CADPS2: variants seen among roughly 807,000 people sequenced by gnomAD.
CADPS2 encodes the protein calcium-dependent secretion activator 2.
CADPS2 carries 93 observed loss-of-function variants against 172.5 expected under a neutral mutation model. That is an observed-to-expected ratio of 0.54 (90% CI 0.46 to 0.64). The LOEUF is 0.64. CADPS2 is among the 30% of genes least tolerant of loss of function. CADPS2 has a pLI of 0.00. For synonymous variants in CADPS2, 546 were observed against 555.2 expected (o/e 0.98, Z 0.23); for missense variants, 1,420 against 1,565.9 (o/e 0.91, Z 1.57).
At chr7:122,711,453 C>T (rs972696255) in intron 2 of CADPS2, among the ~76,000 whole-genome samples, 3 of 151,966 alleles carry the variant, frequency 2.0e-5, no homozygotes, top group Non-Finnish European at 4.4e-5. Context: ...CATGGTACCT[C>T]AGAGAAAACT....
intron 1 of CADPS2, among the ~76,000 whole-genome samples, chr7:122,834,682 T>C (rs188790536): frequency 6.6e-6 from 1 of 152,300 alleles, no homozygotes; most frequent in East Asian, 1.9e-4. Flanking sequence ...GGAGCCTTGC[T>C]CACTGCTAGC....
intron 6 of CADPS2, among the ~76,000 whole-genome samples, chr7:122,608,686 A>T (rs2073911052): frequency 6.6e-6 from 1 of 152,156 alleles, no homozygotes; most frequent in Non-Finnish European, 1.5e-5. Flanking sequence ...TGGGCAGTAG[A>T]GACCCATTAA....
At chr7:122,542,425 T>C (rs2063198809) in intron 8 of CADPS2, among the ~76,000 whole-genome samples, 5 of 152,154 alleles carry the variant, frequency 3.3e-5, no homozygotes, top group Admixed American at 3.3e-4. Context: ...AACACATGGT[T>C]TTCTATAACT....
chr7:122,468,231 A>C (rs2055419312), intron 14 of CADPS2, among the ~76,000 whole-genome samples: 1 of 152,186 alleles, frequency 6.6e-6, no homozygotes, highest in East Asian at 1.9e-4. Context: ...GAGCAAAACG[A>C]CTCTTTGAAT....
At chr7:122,734,015 G>A in intron 2 of CADPS2, among the ~76,000 whole-genome samples, 1 of 151,878 alleles carries the variant, frequency 6.6e-6, no homozygotes, top group South Asian at 2.1e-4. Flanking sequence ...ACAAAGCACA[G>A]GTTCAAAATT....
intron 2 of CADPS2, among the ~76,000 whole-genome samples, chr7:122,722,002 TA>T (rs1461275781): frequency 6.6e-6 from 1 of 152,146 alleles, no homozygotes; most frequent in Non-Finnish European, 1.5e-5. Context: ...CCCTTCATGC[TA>T]AAAACTCTCA....
intron 7 of CADPS2, among the ~76,000 whole-genome samples, chr7:122,569,263 A>C (rs1424617415): frequency 6.6e-6 from 1 of 152,156 alleles, no homozygotes; most frequent in East Asian, 1.9e-4. Flanking sequence ...CCAAATCATG[A>C]GTGAACTCCC....
intron 7 of CADPS2, among the ~76,000 whole-genome samples, chr7:122,567,866 C>G (rs2066668482): frequency 6.6e-6 from 1 of 151,704 alleles, no homozygotes; most frequent in African/African-American, 2.4e-5. Flanking sequence ...CTAAAAAAAG[C>G]AGAAGAGGAG....
At chr7:122,653,296 C>G (rs10243551) in intron 3 of CADPS2, among the ~76,000 whole-genome samples, 1 of 152,292 alleles carries the variant, frequency 6.6e-6, no homozygotes, top group South Asian at 2.1e-4. Context: ...GACACTGTTA[C>G]AGTTAGGAGA....
chr7:122,581,705 T>G (rs1189914766), intron 6 of CADPS2, among the ~76,000 whole-genome samples: 1 of 152,138 alleles, frequency 6.6e-6, no homozygotes, highest in Admixed American at 6.6e-5. Context: ...ACTAAAGACT[T>G]TACCCCACCT....
intron 28 of CADPS2, among the ~76,000 whole-genome samples, chr7:122,333,702 C>G (rs1369957544): frequency 6.6e-6 from 1 of 152,168 alleles, no homozygotes; most frequent in Non-Finnish European, 1.5e-5. Flanking sequence ...GAACTCTATA[C>G]AGGTGTCTAT....
chr7:122,525,368 CA>C (rs2061144309), intron 8 of CADPS2, among the ~76,000 whole-genome samples: 1 of 152,134 alleles, frequency 6.6e-6, no homozygotes, highest in Non-Finnish European at 1.5e-5. Flanking sequence ...TCCTAACACT[CA>C]GCATGTTTCA....
intron 1 of CADPS2, among the ~76,000 whole-genome samples, chr7:122,850,786 C>T (rs1315631952): frequency 6.6e-6 from 1 of 152,144 alleles, no homozygotes; most frequent in East Asian, 1.9e-4. Context: ...TTCATTACAC[C>T]TTGATCAAAA....
chr7:122,502,760 C>T (rs920280388), intron 9 of CADPS2, among the ~76,000 whole-genome samples: 4 of 152,088 alleles, frequency 2.6e-5, no homozygotes, highest in African/African-American at 9.7e-5. Context: ...AATTCTTCTA[C>T]ATCTTAAGTT....
chr7:122,490,645 T>C (rs1297839831), intron 10 of CADPS2, among the ~76,000 whole-genome samples: 1 of 152,128 alleles, frequency 6.6e-6, no homozygotes, highest in Non-Finnish European at 1.5e-5. Flanking sequence ...ATGGGAAAAA[T>C]ATATAATGAT....
In CADPS2 at chr7:122,471,528, T is replaced by C; in HGVS notation, c.2033A>G (p.Asp678Gly). The change falls in exon 14 of 30, where the codon GAT (aspartate) becomes GGT (glycine). Residue 678 changes from aspartate to glycine, a missense_variant. Physicochemically the swap from Asp to Gly is moderately conservative, Grantham distance 94. Transcript: ENST00000449022. ...CACACCATAACGGGCACAGTACTCA[T>C]CTAACACAAAGACTTGGCCAGGGCT... Reference protein sequence around the residue: ...WFSPGQVFVLDEYCARYGVRG... With the variant: ...WFSPGQVFVLGEYCARYGVRG... 6.2e-7 allele frequency: 1 copy of C among 1,608,316 alleles called. No homozygotes were observed. Among genetic ancestry groups the C allele is most frequent in the Non-Finnish European group, 8.5e-7 (1 of 1,177,172 alleles).
intron 1 of CADPS2, among the ~76,000 whole-genome samples, chr7:122,751,183 T>C (rs139924657): frequency 3.9e-5 from 6 of 152,306 alleles, no homozygotes; most frequent in African/African-American, 1.2e-4. Context: ...CTGCCTATGT[T>C]GCCCAGGCTG....
intron 5 of CADPS2, among the ~76,000 whole-genome samples, chr7:122,616,457 T>C (rs980780750): frequency 6.6e-5 from 10 of 152,254 alleles, no homozygotes; most frequent in African/African-American, 2.4e-4. Context: ...AGGGTCATGT[T>C]TGTAAATATG....
intron 15 of CADPS2, 94 bp downstream of exon 15, chr7:122,451,280 C>T (rs538245978): frequency 1.2e-4 from 61 of 525,460 alleles, no homozygotes; most frequent in African/African-American, 9.6e-4. Context: ...TGATCTTGAG[C>T]GCTAGTAGAA....
Sources: gnomAD v4.1 joint callset for allele counts (sites outside exome capture counted in the v4.1 genomes callset) on GRCh38, gnomAD v4.1.1 for gene constraint, MANE v1.5 for transcripts, NCBI Gene and HGNC (gene_info 2026-07-23, HGNC 2026-07-21) for gene names.